Variants in OCA2 observed in about 807,000 individuals in gnomAD.
OCA2 encodes the protein P protein.
A neutral mutation model predicts 100.2 loss-of-function variants in OCA2; 77 were observed. The ratio of observed to expected loss-of-function variants is 0.77; its 90% CI spans 0.64 to 0.93. The LOEUF is 0.93. Among genes scored for constraint, OCA2 ranks in the 40% least tolerant of loss-of-function variants. OCA2 has a pLI of 0.00. For synonymous variants in OCA2, 432 were observed against 439.2 expected, an observed-to-expected ratio of 0.98 and a Z score of 0.21; for missense variants, 1,062 against 1,089.1, an observed-to-expected ratio of 0.98 and a Z score of 0.35.
chr15:27,997,503 T>C (rs1455158254), intron 9 of OCA2, among the ~76,000 whole-genome samples: 1 of 151,912 alleles, frequency 6.6e-6, no homozygotes, highest in African/African-American at 2.4e-5. Flanking sequence ...TGCGGCGTTA[T>C]TTCTGAGGGC....
chr15:27,892,053 G>A (rs2037484159), intron 19 of OCA2, among the ~76,000 whole-genome samples: 1 of 152,032 alleles, frequency 6.6e-6, no homozygotes, highest in Non-Finnish European at 1.5e-5. Context: ...AAACAACAGA[G>A]CAGCAAAATA....
chr15:27,787,536 T>C (rs1396411194), intron 23 of OCA2, among the ~76,000 whole-genome samples: 2 of 152,054 alleles, frequency 1.3e-5, no homozygotes, highest in Non-Finnish European at 2.9e-5. Context: ...TAGCGTAACA[T>C]TGTTCAGAGC....
At chr15:27,730,495 C>G in the OCA2 span, among the ~76,000 whole-genome samples, 4 of 152,164 alleles carry the variant, frequency 2.6e-5, no homozygotes, top group East Asian at 7.8e-4. Flanking sequence ...GATTAAATCA[C>G]TGGCCATTGG....
chr15:28,028,542 T>C lies in OCA2; in HGVS notation c.327-483A>G, dbSNP rs983413173. Among the ~76,000 whole-genome samples, 4 of 152,068 alleles carry C rather than the reference T, an allele frequency of 2.6e-5. No homozygotes were observed. The South Asian group carries it at 8.3e-4, about 32-fold the overall frequency. On this transcript the variant is annotated intron_variant, in intron 3 of 23. Coordinates refer to ENST00000354638, the MANE Select transcript of OCA2 (RefSeq NM_000275.3). ...TTCCCACACAACATCCACAGAAGCATGAGCAGGAAGAGGGAACATTCGTAC... is the reference window on the plus strand; with the variant it reads ...TTCCCACACAACATCCACAGAAGCACGAGCAGGAAGAGGGAACATTCGTAC...
rs138719690 is a variant in OCA2, at chr15:27,967,130, AAAAC to A, written c.1504-312_1504-309del. ...GGGCGACAGAGCGAGACTCCGTCTCAAAACAAACAAACAAAAAGAAACGGAAGAC... is the reference window on the plus strand; with the variant it reads ...GGGCGACAGAGCGAGACTCCGTCTCAAAACAAACAAAAAGAAACGGAAGAC... On this transcript the variant is annotated intron_variant, in intron 14 of 23. Coordinates refer to ENST00000354638, the MANE Select transcript of OCA2 (RefSeq NM_000275.3). 0.019 allele frequency among the ~76,000 whole-genome samples: 2,925 copies of A among 152,182 alleles called. 93 individuals are homozygous for A. Among genetic ancestry groups the A allele is most frequent in the African/African-American group, 0.068 (2,822 of 41,516 alleles).
chr15:27,928,386 G>A (rs1379056207), intron 18 of OCA2, among the ~76,000 whole-genome samples: 1 of 152,104 alleles, frequency 6.6e-6, no homozygotes, highest in Non-Finnish European at 1.5e-5. Context: ...GTATCAAGAA[G>A]AAGATCAGTG....
chr15:27,791,630 C>T (rs28405111), intron 23 of OCA2, among the ~76,000 whole-genome samples: 2 of 152,162 alleles, frequency 1.3e-5, no homozygotes, highest in Admixed American at 1.3e-4. Flanking sequence ...CAGCACATGA[C>T]TGAATTTTAC....
intron 2 of OCA2, among the ~76,000 whole-genome samples, chr15:28,075,075 C>T (rs1189546672): frequency 6.6e-6 from 1 of 152,070 alleles, no homozygotes; most frequent in East Asian, 1.9e-4. Context: ...TCTAAAAGAA[C>T]AAACAGAAGA....
chr15:27,887,767 C>T (rs182124116), intron 19 of OCA2, among the ~76,000 whole-genome samples: 1 of 151,670 alleles, frequency 6.6e-6, no homozygotes, highest in East Asian at 2.0e-4. Flanking sequence ...CAGACCAACT[C>T]CCAACATAGC....
chr15:28,027,044 C>T (rs2042771551), intron 4 of OCA2, among the ~76,000 whole-genome samples: 1 of 152,202 alleles, frequency 6.6e-6, no homozygotes, highest in Non-Finnish European at 1.5e-5. Context: ...CTGGTCCCGG[C>T]TCCAAAACCT....
chr15:28,097,945 G>A (rs888591787), intron 1 of OCA2, among the ~76,000 whole-genome samples: 9 of 152,108 alleles, frequency 5.9e-5, no homozygotes, highest in Non-Finnish European at 1.3e-4. Flanking sequence ...ATATTTCCTT[G>A]CTGCCTGCCA....
intron 2 of OCA2, 81 bp from the exon 3 acceptor site, chr15:28,032,244 G>T: frequency 9.4e-7 from 1 of 1,065,150 alleles, no homozygotes. Context: ...CTAGATTCAA[G>T]AATGTGCCCA....
At position 27,755,125 on chromosome 15, in the gene OCA2, T is replaced by C. The variant is rs1427878345; in HGVS notation, c.*263A>G. 5 of 444,704 alleles carry C rather than the reference T, an allele frequency of 1.1e-5. No individual in the cohort carries two copies. Among genetic ancestry groups the C allele is most frequent in the Non-Finnish European group, 2.1e-5 (5 of 238,512 alleles). 27.5% of individuals were successfully genotyped at this position (444,704 alleles called of 1,614,324 possible). A position where few individuals can be genotyped will look rare whatever the true frequency, so the allele number is the denominator to read the frequency against. On this transcript the variant is annotated 3_prime_UTR_variant, in exon 24 of 24. Transcript: ENST00000354638. ...AAGGGTTTTTAAACATACGTATTTTTCTGGAGGGGAATCTTGAGTAAGTTA... is the reference window on the plus strand; with the variant it reads ...AAGGGTTTTTAAACATACGTATTTTCCTGGAGGGGAATCTTGAGTAAGTTA...
chr15:27,779,075 T>G (rs2032401404), intron 23 of OCA2, among the ~76,000 whole-genome samples: 2 of 152,360 alleles, frequency 1.3e-5, no homozygotes, highest in Admixed American at 6.5e-5. Flanking sequence ...TACTGGAGTT[T>G]CCTACAATAC....
At chr15:27,875,365 A>G (rs779454767) in intron 19 of OCA2, among the ~76,000 whole-genome samples, 1 of 152,256 alleles carries the variant, frequency 6.6e-6, no homozygotes, top group East Asian at 1.9e-4. Context: ...TGTTCCCTTA[A>G]TCTATATCTA....
Position 27,960,611 on chromosome 15 carries a change from T to A in OCA2, c.1637-2876A>T, listed in dbSNP as rs1332173063. 2.0e-5 allele frequency among the ~76,000 whole-genome samples: 3 copies of A among 152,066 alleles called. No individual in the cohort carries two copies. The East Asian group carries it at 5.8e-4, about 29-fold the overall frequency. ...TTTGCTCTATCTATCTATCTATCTA[T>A]CTATCTATGTATCTATGTATCTATC... On this transcript the variant is annotated intron_variant, in intron 15 of 23. Transcript: ENST00000354638.
At chr15:27,985,220 C>G in intron 12 of OCA2, 32 bp from the exon 13 acceptor site, 1 of 1,612,948 alleles carries the variant, frequency 6.2e-7, no homozygotes, top group Non-Finnish European at 8.5e-7. Flanking sequence ...GAGTACAAGC[C>G]AGAGTGAGCA....
chr15:28,008,177 T>TC (rs1566790365), intron 9 of OCA2, among the ~76,000 whole-genome samples: 3 of 152,084 alleles, frequency 2.0e-5, no homozygotes, highest in African/African-American at 7.2e-5. Context: ...AAAAGTAGAG[T>TC]AGAGTTTCCT....
intron 23 of OCA2, among the ~76,000 whole-genome samples, chr15:27,798,175 G>A (rs180848890): frequency 6.6e-6 from 1 of 152,302 alleles, no homozygotes; most frequent in East Asian, 1.9e-4. Flanking sequence ...ATGGGAGGTG[G>A]GGTCAGAGGG....
Sources: allele counts gnomAD v4.1 joint callset (sites outside exome capture counted in the v4.1 genomes callset), GRCh38; gene constraint gnomAD v4.1.1; transcripts MANE v1.5; gene names NCBI Gene and HGNC (gene_info 2026-07-23, HGNC 2026-07-21).